PRKN: variants seen among roughly 807,000 people sequenced by gnomAD.
The protein encoded by PRKN is parkin RBR E3 ubiquitin protein ligase, also known as E3 ubiquitin-protein ligase parkin.
In PRKN, 56 loss-of-function variants were observed where a neutral mutation model predicts 59.5. The observed-to-expected ratio is 0.94, with a 90% CI of 0.76 to 1.18. The LOEUF is 1.18. Among genes scored for constraint, PRKN ranks in the 50% most tolerant of loss-of-function variants. PRKN has a pLI of 0.00. For synonymous variants in PRKN, 250 were observed against 222.1 expected (o/e 1.13, Z -1.12); for missense variants, 657 against 596.4 (o/e 1.10, Z -1.06).
chr6:161,772,678 C>T (rs1789746170), intron 7 of PRKN, among the ~76,000 whole-genome samples: 1 of 152,162 alleles, frequency 6.6e-6, no homozygotes, highest in South Asian at 2.1e-4. Flanking sequence ...TTCCCAGTCA[C>T]TAGTCCAGTT....
chr6:161,642,470 G>C (rs1783779849), intron 7 of PRKN, among the ~76,000 whole-genome samples: 1 of 152,138 alleles, frequency 6.6e-6, no homozygotes, highest in South Asian at 2.1e-4. Flanking sequence ...GACTGTAATA[G>C]AGAATTTCTG....
Position 161,549,648 on chromosome 6 carries a change from T to A in PRKN, c.934-645A>T, listed in dbSNP as rs573734476. Among the ~76,000 whole-genome samples, 16 of 152,194 alleles carry A rather than the reference T, an allele frequency of 1.1e-4. No homozygotes were observed. The highest frequency in any genetic ancestry group is 1.9e-4 in the Non-Finnish European group (13 of 68,032). On this transcript the variant is annotated intron_variant, in intron 8 of 11. Transcript: ENST00000366898. The surrounding 1 kb of genome is among the most constrained non-coding windows in gnomAD (Gnocchi z 6.0). ...CGTTTTGCTCAATTTCCTTTAATGG[T>A]TTCCCCAGCCTGCAAATAAATTCCA...
intron 7 of PRKN, among the ~76,000 whole-genome samples, chr6:161,723,130 TGGA>T (rs1787294738): frequency 5.3e-5 from 8 of 152,114 alleles, no homozygotes; most frequent in East Asian, 1.9e-4. Context: ...TAGCTGAGTG[TGGA>T]GGTGAGTGCC....
chr6:161,407,616 G>C lies in PRKN; in HGVS notation c.1084-20739C>G, dbSNP rs536673321. 2.0e-5 allele frequency among the ~76,000 whole-genome samples: 3 copies of C among 152,270 alleles called. No individual in the cohort carries two copies. The East Asian group carries it at 5.8e-4, about 29-fold the overall frequency. On this transcript the variant is annotated intron_variant, in intron 9 of 11. Transcript: ENST00000366898. This position sits in a 1 kb window ranked among gnomAD's most constrained non-coding sequence, Gnocchi z 4.9. The stretch of plus-strand genomic sequence containing the variant: ...TAAGTGTTGGATGCAAAGCTGTCAG[G>C]CCTCTGAGTCGAAGCTCAGCCATTA...
chr6:162,453,287 G>C (rs151087245), intron 1 of PRKN, among the ~76,000 whole-genome samples: 3 of 152,178 alleles, frequency 2.0e-5, no homozygotes, highest in South Asian at 2.1e-4. Flanking sequence ...GTTCTTTGAC[G>C]AGGGTGTATC....
At chr6:162,525,529 C>T (rs60095244) in intron 1 of PRKN, among the ~76,000 whole-genome samples, 22,963 of 152,114 alleles carry the variant, frequency 0.15, 3,230 homozygotes, top group African/African-American at 0.37. Flanking sequence ...GGCTCCATCT[C>T]CTCGACTCCC....
chr6:161,892,108 T>C (rs1277472423), intron 6 of PRKN, among the ~76,000 whole-genome samples: 1 of 152,204 alleles, frequency 6.6e-6, no homozygotes, highest in Non-Finnish European at 1.5e-5. Flanking sequence ...TTATAAATTC[T>C]CATCTTCCCT....
chr6:162,625,097 G>A lies in PRKN; in HGVS notation c.7+102565C>T, dbSNP rs556675223. 1.3e-4 allele frequency among the ~76,000 whole-genome samples: 20 copies of A among 152,244 alleles called. No individual in the cohort carries two copies. In the Middle Eastern group the frequency reaches 0.01, roughly 78 times the overall value. On this transcript the variant is annotated intron_variant, in intron 1 of 11. Transcript: ENST00000366898. ...TGGAATTAGATGAAATCACTGTGAT[G>A]TCTCTTCTCTCTGTCATAAGGCTGA...
At chr6:162,042,142 A>G (rs186795541) in intron 5 of PRKN, among the ~76,000 whole-genome samples, 1 of 152,064 alleles carries the variant, frequency 6.6e-6, no homozygotes, top group Non-Finnish European at 1.5e-5. Context: ...AATGAAATAA[A>G]TTCATTCAAA....
intron 1 of PRKN, among the ~76,000 whole-genome samples, chr6:162,450,313 G>C (rs549581643): frequency 9.1e-6 from 1 of 110,442 alleles, no homozygotes; most frequent in African/African-American, 7.3e-5. Context: ...GAATATGAAC[G>C]CCCGTGAATG....
chr6:161,617,616 G>A (rs1782744221), intron 7 of PRKN, among the ~76,000 whole-genome samples: 2 of 152,204 alleles, frequency 1.3e-5, no homozygotes. Context: ...TTTTCAGGGA[G>A]GAATATAATG....
At position 161,687,388 on chromosome 6, in the gene PRKN, CAAAAAAAAAAAAAAAA is replaced by C. The variant is rs1192587302; in HGVS notation, c.871+98368_871+98383del. ...TGGGAGACAGAGAGAGACTCCATCT[CAAAAAAAAAAAAAAAA>C]AAAAAAAAAAAGAATACAACATTAA... On this transcript the variant is annotated intron_variant, in intron 7 of 11. Coordinates refer to ENST00000366898, the MANE Select transcript of PRKN (RefSeq NM_004562.3). Among the ~76,000 whole-genome samples the C allele has an allele frequency of 7.8e-5, 4 of 51,558 alleles. 1 individual carries two copies. Among genetic ancestry groups the C allele is most frequent in the African/African-American group, 3.5e-4 (4 of 11,268 alleles). The allele number at this position is 51,558 out of a possible 152,430, so 33.8% of individuals were successfully genotyped here.
intron 6 of PRKN, among the ~76,000 whole-genome samples, chr6:161,960,487 T>C (rs1780341152): frequency 6.6e-6 from 1 of 152,220 alleles, no homozygotes. Flanking sequence ...ATTCAGGGGA[T>C]GATTTAAGAT....
intron 6 of PRKN, among the ~76,000 whole-genome samples, chr6:161,898,367 CAAT>C (rs1777741689): frequency 6.6e-6 from 1 of 152,136 alleles, no homozygotes; most frequent in South Asian, 2.1e-4. Flanking sequence ...GTCCCACGAG[CAAT>C]AATATTTACG....
intron 1 of PRKN, among the ~76,000 whole-genome samples, chr6:162,636,516 G>A (rs1467967752): frequency 6.6e-6 from 1 of 152,130 alleles, no homozygotes; most frequent in African/African-American, 2.4e-5. Flanking sequence ...GCATCTTAAT[G>A]GAATATATTA....
intron 7 of PRKN, among the ~76,000 whole-genome samples, chr6:161,776,573 C>T (rs1394661227): frequency 6.6e-6 from 1 of 152,168 alleles, no homozygotes; most frequent in Non-Finnish European, 1.5e-5. Flanking sequence ...ACTGCCCACC[C>T]CAGAGTAGTT....
intron 6 of PRKN, among the ~76,000 whole-genome samples, chr6:161,886,066 G>A (rs1795137250): frequency 6.6e-6 from 1 of 152,180 alleles, no homozygotes; most frequent in Non-Finnish European, 1.5e-5. Context: ...CAAAGAAGCT[G>A]CGAAAATAAA....
chr6:162,382,685 A>C (rs1786554452), intron 2 of PRKN, among the ~76,000 whole-genome samples: 1 of 152,210 alleles, frequency 6.6e-6, no homozygotes. Flanking sequence ...TCTTATAAAA[A>C]GACAACAGTG....
chr6:161,905,524 G>C (rs757709616), intron 6 of PRKN, among the ~76,000 whole-genome samples: 1 of 152,128 alleles, frequency 6.6e-6, no homozygotes, highest in African/African-American at 2.4e-5. Flanking sequence ...AGCTCTCCCA[G>C]CTCATTCAGT....
Sources: gnomAD v4.1 joint callset for allele counts (sites outside exome capture counted in the v4.1 genomes callset) on GRCh38, gnomAD v4.1.1 for gene constraint, Gnocchi (gnomAD v3.1) non-coding constraint, MANE v1.5 for transcripts, NCBI Gene and HGNC (gene_info 2026-07-23, HGNC 2026-07-21) for gene names.